DNAI4: variants seen among roughly 807,000 people sequenced by gnomAD.
DNAI4 encodes WD repeat domain 78.
Under a neutral mutation model 105.8 loss-of-function variants are expected in DNAI4, and 85 were observed. That is an observed-to-expected ratio of 0.80 (90% confidence interval 0.67 to 0.96). The LOEUF is 0.96. DNAI4 is among the 40% of genes least tolerant of loss of function. The pLI, the probability that DNAI4 is intolerant of heterozygous loss-of-function variation, is 0.00. For missense variants in DNAI4, 1,014 were observed against 1,005.6 expected (o/e 1.01, Z -0.11); for synonymous variants, 352 against 331.5 (o/e 1.06, Z -0.67).
intron 4 of DNAI4, among the ~76,000 whole-genome samples, chr1:66,880,837 T>C (rs1295785671): frequency 1.3e-5 from 2 of 152,174 alleles, no homozygotes; most frequent in Admixed American, 1.3e-4. Context: ...GAGGTCTTCA[T>C]GGCAGCCCCT....
chr1:66,913,858 T>C lies in DNAI4; in HGVS notation c.171-8483A>G, dbSNP rs1302218801. ...TTAGCCAGGCGTGGTGGCGGGCACCTGTAGTCCCAGCTACTCGGGAGGCTG... is the reference window on the plus strand; with the variant it reads ...TTAGCCAGGCGTGGTGGCGGGCACCCGTAGTCCCAGCTACTCGGGAGGCTG... On this transcript the variant is annotated intron_variant, in intron 1 of 16. Transcript: ENST00000371026. Among the ~76,000 whole-genome samples, 5 of 152,084 alleles carry C rather than the reference T, an allele frequency of 3.3e-5. No individual in the cohort carries two copies. The East Asian group carries it at 7.7e-4, about 24-fold the overall frequency.
intron 4 of DNAI4, among the ~76,000 whole-genome samples, chr1:66,880,581 T>C (rs1304271186): frequency 6.6e-6 from 1 of 152,166 alleles, no homozygotes; most frequent in Non-Finnish European, 1.5e-5. Context: ...ATTTAGGGTA[T>C]CTGGCAGAAG....
chr1:66,820,680 G>C (rs1357391116), intron 16 of DNAI4, among the ~76,000 whole-genome samples: 1 of 151,900 alleles, frequency 6.6e-6, no homozygotes, highest in African/African-American at 2.4e-5. Context: ...AGATAGTAGA[G>C]GTTGCAATTT....
intron 1 of DNAI4, among the ~76,000 whole-genome samples, chr1:66,916,523 G>A (rs1301037617): frequency 6.6e-6 from 1 of 152,166 alleles, no homozygotes; most frequent in Non-Finnish European, 1.5e-5. Flanking sequence ...AATAATTAAA[G>A]CCATTCAACT....
rs1645463495 is a variant in DNAI4 at position 66,814,110 on chromosome 1, A to T, written c.*20T>A. ...TTCCTTTTTTAAAACAACTACAAGA[A>T]AAATATTAGGAATGATGAATTATGC... On this transcript the variant is annotated 3_prime_UTR_variant, in exon 17 of 17. Transcript: ENST00000371026. 6.3e-7 allele frequency: 1 copy of T among 1,581,808 alleles called. No individual in the cohort carries two copies. Among genetic ancestry groups the T allele is most frequent in the Non-Finnish European group, 8.5e-7 (1 of 1,171,552 alleles).
chr1:66,854,322 T>C (rs1269121304), intron 7 of DNAI4, among the ~76,000 whole-genome samples: 2 of 151,296 alleles, frequency 1.3e-5, no homozygotes, highest in Non-Finnish European at 2.9e-5. Flanking sequence ...GCCTGGGAGG[T>C]TGAGGTTGCA....
intron 2 of DNAI4, among the ~76,000 whole-genome samples, chr1:66,904,022 T>TATATATATATATATATGC (rs568374007): frequency 0.077 from 11,632 of 151,410 alleles, 582 homozygotes; most frequent in African/African-American, 0.14. Context: ...TTTGTGTGTG[T>TATATATATATATATATGC]ATATATACAT....
At chr1:66,855,538 A>G (rs1646482915) in intron 7 of DNAI4, among the ~76,000 whole-genome samples, 1 of 152,264 alleles carries the variant, frequency 6.6e-6, no homozygotes, top group African/African-American at 2.4e-5. Flanking sequence ...CTATCTACAC[A>G]CTAATCAAAG....
At chr1:66,841,370 G>T (rs754664368) in intron 8 of DNAI4, among the ~76,000 whole-genome samples, 24 of 152,076 alleles carry the variant, frequency 1.6e-4, no homozygotes, top group South Asian at 2.1e-4. Flanking sequence ...GGAAAAAAAA[G>T]CATTTGCCTT....
chr1:66,874,507 T>C (rs1291789916), intron 5 of DNAI4, among the ~76,000 whole-genome samples: 1 of 152,144 alleles, frequency 6.6e-6, no homozygotes, highest in Non-Finnish European at 1.5e-5. Context: ...TATTCTGTTA[T>C]TTGGCTTAGA....
intron 10 of DNAI4, among the ~76,000 whole-genome samples, chr1:66,836,172 G>T (rs901492170): frequency 3.0e-4 from 15 of 50,288 alleles, no homozygotes; most frequent in African/African-American, 1.0e-3. Flanking sequence ...AAGAAAGAAA[G>T]AAAGAAAGAA....
chr1:66,833,519 G>A, intron 13 of DNAI4, 66 bp downstream of exon 13: 1 of 1,563,088 alleles, frequency 6.4e-7, no homozygotes, highest in South Asian at 1.2e-5. Context: ...CTTGTTTTAT[G>A]ACTTAATACA....
intron 13 of DNAI4, among the ~76,000 whole-genome samples, chr1:66,831,148 A>T (rs1235251277): frequency 6.6e-6 from 1 of 151,898 alleles, no homozygotes; most frequent in Non-Finnish European, 1.5e-5. Context: ...AACCATAATA[A>T]CCCTATATAT....
intron 3 of DNAI4, among the ~76,000 whole-genome samples, chr1:66,892,886 C>T (rs1647783463): frequency 6.9e-6 from 1 of 145,756 alleles, no homozygotes. Flanking sequence ...CCAGCCTGGG[C>T]AACAGGAGTG....
intron 6 of DNAI4, among the ~76,000 whole-genome samples, chr1:66,865,709 T>C (rs1003867484): frequency 2.6e-5 from 4 of 152,180 alleles, no homozygotes; most frequent in African/African-American, 7.2e-5. Context: ...CCAGATTGCA[T>C]GTTTTCTGCA....
intron 4 of DNAI4, among the ~76,000 whole-genome samples, chr1:66,885,694 A>C (rs918183291): frequency 1.5e-4 from 23 of 152,292 alleles, no homozygotes; most frequent in African/African-American, 5.5e-4. Context: ...CTGTCTGTAC[A>C]AAAATAAAAG....
intron 11 of DNAI4, 101 bp downstream of exon 11, chr1:66,835,525 C>T (rs965914228): frequency 7.3e-6 from 9 of 1,239,334 alleles, no homozygotes; most frequent in Non-Finnish European, 9.0e-6. Context: ...TGGTATCACT[C>T]TCAGTAACAA....
At chr1:66,827,377 G>T (rs1254871231) in intron 14 of DNAI4, among the ~76,000 whole-genome samples, 1 of 152,140 alleles carries the variant, frequency 6.6e-6, no homozygotes, top group Non-Finnish European at 1.5e-5. Context: ...ATAGCCAGGT[G>T]CAGTGGTGTT....
At chr1:66,871,767 G>A (rs965806220) in intron 5 of DNAI4, among the ~76,000 whole-genome samples, 1 of 152,096 alleles carries the variant, frequency 6.6e-6, no homozygotes, top group African/African-American at 2.4e-5. Context: ...ACTCCATGTA[G>A]GTTTTAGTTC....
Sources: allele counts gnomAD v4.1 joint callset (sites outside exome capture counted in the v4.1 genomes callset), GRCh38; gene constraint gnomAD v4.1.1; transcripts MANE v1.5; gene names NCBI Gene and HGNC (gene_info 2026-07-23, HGNC 2026-07-21).